MATCAP2: variants seen among roughly 807,000 people sequenced by gnomAD.
The protein encoded by MATCAP2 is microtubule associated tyrosine carboxypeptidase 2, also known as putative tyrosine carboxypeptidase MATCAP2.
chr7:36,363,697 G>A, the MATCAP2 span, among the ~76,000 whole-genome samples: 1 of 152,142 alleles, frequency 6.6e-6, no homozygotes. Flanking sequence ...TTTATTAATA[G>A]CTATTACCCT....
chr7:36,363,620 C>G, the MATCAP2 span, among the ~76,000 whole-genome samples: 1 of 152,076 alleles, frequency 6.6e-6, no homozygotes, highest in African/African-American at 2.4e-5. Flanking sequence ...TAATAGTGAG[C>G]TGATTTTCCT....
At chr7:36,345,859 C>G in the MATCAP2 span, among the ~76,000 whole-genome samples, 1 of 152,064 alleles carries the variant, frequency 6.6e-6, no homozygotes, top group African/African-American at 2.4e-5. Context: ...TGGACTTCAT[C>G]AAAATTGTGC....
the MATCAP2 span, chr7:36,357,148 C>T: frequency 1.2e-6 from 2 of 1,614,182 alleles, no homozygotes; most frequent in South Asian, 1.1e-5. Context: ...AATGGCACCA[C>T]TTGACCTTGC....
the MATCAP2 span, among the ~76,000 whole-genome samples, chr7:36,335,848 A>G: frequency 6.6e-6 from 1 of 152,234 alleles, no homozygotes; most frequent in Non-Finnish European, 1.5e-5. Flanking sequence ...AGGCAGGCGG[A>G]TGACCTGAGG....
the MATCAP2 span, among the ~76,000 whole-genome samples, chr7:36,357,834 CA>C: frequency 6.6e-6 from 1 of 152,182 alleles, no homozygotes; most frequent in Non-Finnish European, 1.5e-5. Context: ...AGCTTCAAAC[CA>C]CTTAGATGAT....
the MATCAP2 span, chr7:36,333,880 C>T: frequency 1.2e-6 from 2 of 1,611,062 alleles, no homozygotes; most frequent in Non-Finnish European, 1.7e-6. Context: ...TCAGTCCATC[C>T]CCTCTTGGCC....
the MATCAP2 span, chr7:36,335,299 A>G: frequency 1.1e-6 from 1 of 911,136 alleles, no homozygotes; most frequent in South Asian, 1.5e-5. Flanking sequence ...ACCACCTTAA[A>G]TCTCCCAGAA....
chr7:36,380,793 G>A, the MATCAP2 span, among the ~76,000 whole-genome samples: 9 of 152,158 alleles, frequency 5.9e-5, no homozygotes, highest in South Asian at 4.1e-4. Flanking sequence ...GCAGTGGCAC[G>A]GTCTCGGCTC....
chr7:36,387,400 G>A, the MATCAP2 span, among the ~76,000 whole-genome samples: 3 of 151,766 alleles, frequency 2.0e-5, no homozygotes, highest in East Asian at 1.9e-4. Flanking sequence ...CATTTTTATT[G>A]TATTTCATAA....
the MATCAP2 span, chr7:36,383,809 TA>T: frequency 8.2e-7 from 1 of 1,218,302 alleles, no homozygotes; most frequent in South Asian, 1.3e-5. Context: ...ACTTAAAGTA[TA>T]ATAATAATTT....
At chr7:36,389,943 G>A in the MATCAP2 span, 9 of 1,613,096 alleles carry the variant, frequency 5.6e-6, no homozygotes, top group South Asian at 1.1e-5. Context: ...TTTTTTCCAG[G>A]AGACACACTG....
the MATCAP2 span, among the ~76,000 whole-genome samples, chr7:36,375,864 G>T: frequency 6.6e-6 from 1 of 152,172 alleles, no homozygotes; most frequent in Non-Finnish European, 1.5e-5. Context: ...AGATTTTCTA[G>T]TTTACTTGCG....
At chr7:36,337,415 G>A in the MATCAP2 span, among the ~76,000 whole-genome samples, 1 of 152,044 alleles carries the variant, frequency 6.6e-6, no homozygotes, top group Non-Finnish European at 1.5e-5. Flanking sequence ...TGAGGAAAAA[G>A]AAAATTGCTT....
chr7:36,363,982 T>A, the MATCAP2 span, among the ~76,000 whole-genome samples: 1 of 152,144 alleles, frequency 6.6e-6, no homozygotes, highest in East Asian at 1.9e-4. Context: ...AAATTTCATG[T>A]TAATAAGGTA....
At chr7:36,352,396 TAAA>T in the MATCAP2 span, among the ~76,000 whole-genome samples, 4 of 106,186 alleles carry the variant, frequency 3.8e-5, no homozygotes, top group African/African-American at 1.1e-4. Context: ...GACTCCATCT[TAAA>T]AAAAAAAAAA....
At chr7:36,374,581 C>T in the MATCAP2 span, among the ~76,000 whole-genome samples, 767 of 152,002 alleles carry the variant, frequency 5.0e-3, 5 homozygotes, top group African/African-American at 0.018. Flanking sequence ...GGTGCATGTG[C>T]ACAACATGCA....
At chr7:36,336,361 A>G in the MATCAP2 span, 1 of 1,216,090 alleles carries the variant, frequency 8.2e-7, no homozygotes, top group Non-Finnish European at 1.1e-6. Flanking sequence ...GTCATAAGCT[A>G]GCTATGTTAT....
chr7:36,386,028 G>A, the MATCAP2 span, among the ~76,000 whole-genome samples: 1 of 151,812 alleles, frequency 6.6e-6, no homozygotes, highest in Non-Finnish European at 1.5e-5. Flanking sequence ...GGTGGCATAT[G>A]CCTGTTGTCC....
chr7:36,351,622 C>G, the MATCAP2 span, among the ~76,000 whole-genome samples: 1 of 151,774 alleles, frequency 6.6e-6, no homozygotes, highest in South Asian at 2.1e-4. Flanking sequence ...CTTGACAGCA[C>G]AGAACTATTA....
Sources: gnomAD v4.1 joint callset for allele counts (sites outside exome capture counted in the v4.1 genomes callset) on GRCh38, gnomAD v4.1.1 for gene constraint, MANE v1.5 for transcripts, NCBI Gene and HGNC (gene_info 2026-07-23, HGNC 2026-07-21) for gene names.